HTR6: variants seen among roughly 807,000 people sequenced by gnomAD.
HTR6 encodes 5-hydroxytryptamine receptor 6, also known as 5-hydroxytryptamine (serotonin) receptor 6, G protein-coupled.
In HTR6, 15 loss-of-function variants were observed where a neutral mutation model predicts 17.4. The ratio of observed to expected loss-of-function variants is 0.86; its 90% confidence interval spans 0.58 to 1.33. The LOEUF is 1.33. Ranked by LOEUF, HTR6 falls within the 40% of genes most tolerant of loss-of-function variation. The pLI is 0.00. For synonymous variants in HTR6, 326 were observed against 295.5 expected (o/e 1.10, Z -1.06); for missense variants, 578 against 616.0 (o/e 0.94, Z 0.65).
In HTR6 at chr1:19,666,020, C is replaced by G; in HGVS notation, c.267C>G (p.Tyr89Ter). ...VMPPAMLNAL[Y>*]GRWVLARGLC... ...CGCCGGCCATGCTGAACGCGCTGTA[C>G]GGGCGCTGGGTGCTGGCGCGCGGCC... is the stretch of plus-strand genomic sequence containing the variant. The change falls in exon 1 of 3, where the codon TAC becomes TAG. Residue 89 changes from tyrosine (Y) to a stop codon, truncating the protein, a stop_gained. Coordinates refer to ENST00000289753, the MANE Select transcript of HTR6 (RefSeq NM_000871.3). LOFTEE classifies it high-confidence loss of function. The surrounding 1 kb of genome is among the most constrained non-coding windows in gnomAD (Gnocchi z 4.5). 1 of 1,613,692 alleles carries G rather than the reference C, an allele frequency of 6.2e-7. No individual in the cohort carries two copies. The highest frequency in any genetic ancestry group is 2.2e-5 in the East Asian group (1 of 44,858).
Position 19,666,491 on chromosome 1 carries a change from C to T in HTR6, c.714+24C>T, listed in dbSNP as rs1240400490. The stretch of plus-strand genomic sequence containing the variant: ...AGGTACCTGGGGTGCGCAGGGAGAC[C>T]CGGGCTGTGGGATAGAGAGGAATGA... On this transcript the variant is annotated intron_variant, in intron 1 of 2. Transcript: ENST00000289753. This position sits in a 1 kb window ranked among gnomAD's most constrained non-coding sequence, Gnocchi z 4.5. 1.3e-6 allele frequency: 2 copies of T among 1,552,770 alleles called. No individual in the cohort carries two copies. Among genetic ancestry groups the T allele is most frequent in the Non-Finnish European group, 8.7e-7 (1 of 1,144,286 alleles).
chr1:19,669,871 C>T (rs1219933684), intron 1 of HTR6, among the ~76,000 whole-genome samples: 2 of 152,078 alleles, frequency 1.3e-5, no homozygotes, highest in South Asian at 2.1e-4. Context: ...CCTGACCTTA[C>T]GTGATCTGCT....
In HTR6 at chr1:19,674,382, G is replaced by A. The variant is rs189507782; in HGVS notation, c.715-4185G>A. On this transcript the variant is annotated intron_variant, in intron 1 of 2. Transcript: ENST00000289753. ...TAGTATTCTGTAGTGGGAATTCACC[G>A]TGGTTTATTTAAGCCACTCTTCTCT... Among the ~76,000 whole-genome samples, 66 of 149,564 alleles carry A rather than the reference G, an allele frequency of 4.4e-4. 1 individual carries two copies. Among genetic ancestry groups the A allele is most frequent in the African/African-American group, 1.1e-3 (46 of 40,774 alleles).
rs2095098665 is a variant in HTR6 at position 19,679,259 on chromosome 1, C to G, written c.1214C>G (p.Thr405Ser). 3.1e-6 allele frequency: 5 copies of G among 1,598,872 alleles called. No individual in the cohort carries two copies. The East Asian group carries it at 9.1e-5, about 29-fold the overall frequency. Residue 405 changes from threonine to serine, a missense_variant, in exon 3 of 3, where the codon ACC (threonine) becomes AGC (serine). Physicochemically the swap from Thr to Ser is moderately conservative, Grantham distance 58 (BLOSUM62 1). Transcript: ENST00000289753. The surrounding 1 kb of genome is among the most constrained non-coding windows in gnomAD (Gnocchi z 4.9). ...TAQLLLPGEA[T>S]QDPPLPTRAA... Reference sequence around the variant, plus strand: ...CAGCTGCTGCTTCCTGGCGAGGCCACCCAGGACCCCCCGCTGCCCACCAGG... The same window carrying G: ...CAGCTGCTGCTTCCTGGCGAGGCCAGCCAGGACCCCCCGCTGCCCACCAGG...
Position 19,679,645 on chromosome 1 carries a change from G to C in HTR6, c.*277G>C. The C allele has an allele frequency of 2.2e-6, 1 of 448,410 alleles. No individual in the cohort carries two copies. Among genetic ancestry groups the C allele is most frequent in the Non-Finnish European group, 3.9e-6 (1 of 255,380 alleles). The allele number at this position is 448,410 out of a possible 1,614,324, so 27.8% of individuals were successfully genotyped here. ...GCTGGAGGACTCTGGATGTTGGGGAGAAGGACCTCTTGGTTCAGGTTAGGA... is the reference window on the plus strand; with the variant it reads ...GCTGGAGGACTCTGGATGTTGGGGACAAGGACCTCTTGGTTCAGGTTAGGA... On this transcript the variant is annotated 3_prime_UTR_variant, in exon 3 of 3. Transcript: ENST00000289753. This position sits in a 1 kb window ranked among gnomAD's most constrained non-coding sequence, Gnocchi z 4.9.
chr1:19,677,664 CA>C (rs1351011605), intron 1 of HTR6, among the ~76,000 whole-genome samples: 1 of 152,172 alleles, frequency 6.6e-6, no homozygotes, highest in Non-Finnish European at 1.5e-5. Flanking sequence ...GAAGACAATC[CA>C]CATACAAAGC....
chr1:19,670,420 T>C (rs1284259367), intron 1 of HTR6, among the ~76,000 whole-genome samples: 1 of 151,808 alleles, frequency 6.6e-6, no homozygotes, highest in East Asian at 1.9e-4. Flanking sequence ...GTTTATTTCC[T>C]TCTTCTAGAA....
chr1:19,676,696 G>T (rs1241797308), intron 1 of HTR6, among the ~76,000 whole-genome samples: 1 of 152,212 alleles, frequency 6.6e-6, no homozygotes, highest in Non-Finnish European at 1.5e-5. Flanking sequence ...GCTCCCTGGA[G>T]TTGACACATC....
intron 2 of HTR6, 90 bp from the exon 3 acceptor site, chr1:19,678,829 C>CGT (rs141362075): frequency 6.1e-5 from 92 of 1,506,404 alleles, no homozygotes; most frequent in African/African-American, 5.7e-4. Flanking sequence ...TCTCGTGGTG[C>CGT]GTGTGTGTGT....
intron 1 of HTR6, among the ~76,000 whole-genome samples, chr1:19,673,878 T>TC (rs1272231263): frequency 2.4e-4 from 33 of 136,386 alleles, no homozygotes; most frequent in Middle Eastern, 7.2e-3. Flanking sequence ...TTTTTTTTTT[T>TC]TCTGTTAGGA....
At chr1:19,669,022 C>T (rs897578404) in intron 1 of HTR6, among the ~76,000 whole-genome samples, 1 of 152,198 alleles carries the variant, frequency 6.6e-6, no homozygotes, top group Non-Finnish European at 1.5e-5. Context: ...TGGAAGACAG[C>T]TGTAATGGGC....
At chr1:19,675,241 C>G (rs1251124741) in intron 1 of HTR6, among the ~76,000 whole-genome samples, 1 of 152,194 alleles carries the variant, frequency 6.6e-6, no homozygotes, top group African/African-American at 2.4e-5. Context: ...CCTCAGTTGT[C>G]TCATCTGCAA....
chr1:19,669,214 C>T (rs2095084983), intron 1 of HTR6, among the ~76,000 whole-genome samples: 2 of 152,268 alleles, frequency 1.3e-5, no homozygotes, highest in Admixed American at 6.5e-5. Context: ...GCCAGTACCA[C>T]ACAGATTTTC....
At chr1:19,674,526 C>T (rs2095091991) in intron 1 of HTR6, among the ~76,000 whole-genome samples, 1 of 151,910 alleles carries the variant, frequency 6.6e-6, no homozygotes, top group African/African-American at 2.4e-5. Flanking sequence ...CCTGCCTCAG[C>T]CTCCTGAGTA....
rs2095099147 is a variant in HTR6 at position 19,679,563 on chromosome 1, T to C, written c.*195T>C. 12 of 741,190 alleles carry C rather than the reference T, an allele frequency of 1.6e-5. No individual in the cohort carries two copies. In the South Asian group the frequency reaches 2.7e-4, roughly 17 times the overall value. The allele number at this position is 741,190 out of a possible 1,614,324, so 45.9% of individuals were successfully genotyped here. A position where few individuals can be genotyped will look rare whatever the true frequency, so the allele number is the denominator to read the frequency against. On this transcript the variant is annotated 3_prime_UTR_variant, in exon 3 of 3. Coordinates refer to ENST00000289753, the MANE Select transcript of HTR6 (RefSeq NM_000871.3). This position sits in a 1 kb window ranked among gnomAD's most constrained non-coding sequence, Gnocchi z 4.9. The stretch of plus-strand genomic sequence containing the variant: ...CTGCAGGGATCATAGCTGACTCAGA[T>C]ATCGTGTTCTGAAGGATGCTCCACT...
At chr1:19,676,841 A>C (rs1319931337) in intron 1 of HTR6, among the ~76,000 whole-genome samples, 7 of 152,182 alleles carry the variant, frequency 4.6e-5, no homozygotes, top group Non-Finnish European at 1.5e-5. Flanking sequence ...GCTCTCACGC[A>C]ATTTAGGAAC....
chr1:19,676,999 T>C (rs1174850070), intron 1 of HTR6, among the ~76,000 whole-genome samples: 1 of 152,188 alleles, frequency 6.6e-6, no homozygotes, highest in Non-Finnish European at 1.5e-5. Flanking sequence ...GGGCCTAATT[T>C]TGTGTAAATC....
rs1038350247 is a variant in HTR6 at position 19,680,216 on chromosome 1, G to A, written c.*848G>A. Among the ~76,000 whole-genome samples, 1 of 152,174 alleles carries A rather than the reference G, an allele frequency of 6.6e-6. No homozygotes were observed. Among genetic ancestry groups the A allele is most frequent in the Non-Finnish European group, 1.5e-5 (1 of 68,034 alleles). ...CAGTACACGGTCAGTTAATTGGTAC[G>A]TTCTGTTGTTACGACCCCCGGCTAT... is the stretch of plus-strand genomic sequence containing the variant. On this transcript the variant is annotated 3_prime_UTR_variant, in exon 3 of 3. Transcript: ENST00000289753.
At position 19,679,123 on chromosome 1, in the gene HTR6, C is replaced by T. The variant is rs1037092594; in HGVS notation, c.1078C>T (p.Pro360Ser). ...ATCACTGCGCACCTCTCACAGCGGC[C>T]CCCGGCCCGGCCTTAGCCTACAGCA... ...SPSLRTSHSG[P>S]RPGLSLQQVL... Residue 360 changes from proline to serine, a missense_variant, in exon 3 of 3, where the codon CCC (proline) becomes TCC (serine). Transcript: ENST00000289753. This position sits in a 1 kb window ranked among gnomAD's most constrained non-coding sequence, Gnocchi z 4.9. The T allele has an allele frequency of 6.2e-7, 1 of 1,611,846 alleles. No homozygotes were observed. The highest frequency in any genetic ancestry group is 8.5e-7 in the Non-Finnish European group (1 of 1,179,300).
Sources: allele counts gnomAD v4.1 joint callset (sites outside exome capture counted in the v4.1 genomes callset), GRCh38; gene constraint gnomAD v4.1.1; non-coding constraint Gnocchi (gnomAD v3.1); transcripts MANE v1.5; gene names NCBI Gene and HGNC (gene_info 2026-07-23, HGNC 2026-07-21).